The following SNX27 variants were observed in gnomAD, a reference collection of about 807,000 sequenced individuals.
SNX27 encodes the protein sorting nexin 27.
A neutral mutation model predicts 71.6 loss-of-function variants in SNX27; 22 were observed. The observed-to-expected ratio is 0.31, with a 90% CI of 0.22 to 0.44. The LOEUF (loss-of-function observed/expected upper bound fraction) is 0.44. Ranked by LOEUF, SNX27 falls within the 20% of genes least tolerant of loss-of-function variation. SNX27 has a pLI of 1.00. For synonymous variants in SNX27, 269 were observed against 277.2 expected (o/e 0.97, Z 0.29); for missense variants, 531 against 698.6 (o/e 0.76, Z 2.70).
At chr1:151,674,479 A>C (rs1321055462) in intron 7 of SNX27, among the ~76,000 whole-genome samples, 1 of 151,892 alleles carries the variant, frequency 6.6e-6, no homozygotes, top group African/African-American at 2.4e-5. Flanking sequence ...TTTTATTTTG[A>C]AGTTATCTTT....
rs1440991383 is a variant in SNX27, at chr1:151,696,476, T to G, written c.*2059T>G. The G allele has an allele frequency of 8.3e-6, 1 of 120,414 alleles. No individual in the cohort carries two copies. Among genetic ancestry groups the G allele is most frequent in the African/African-American group, 3.5e-5 (1 of 28,612 alleles). The allele number at this position is 120,414 out of a possible 1,614,324, so 7.5% of individuals were successfully genotyped here. On this transcript the variant is annotated 3_prime_UTR_variant, in exon 12 of 12. Transcript: ENST00000458013. Reference sequence around the variant, plus strand: ...TGAGGCCACTTTTTCTTTCTTTCTTTCTTTCTTTCTTTCTTTCTTTCTTTC... The same window carrying G: ...TGAGGCCACTTTTTCTTTCTTTCTTGCTTTCTTTCTTTCTTTCTTTCTTTC...
In SNX27 at chr1:151,633,215, A is replaced by G. The variant is rs144309342; in HGVS notation, c.312-5673A>G. 3.8e-3 allele frequency among the ~76,000 whole-genome samples: 584 copies of G among 152,298 alleles called. 7 individuals are homozygous for G. Among genetic ancestry groups the G allele is most frequent in the African/African-American group, 0.013 (523 of 41,560 alleles). ...TTAATTAACATACAGTTAAATGCACACATATGAAGCATAGAGTTTGAGTTT... is the reference window on the plus strand; with the variant it reads ...TTAATTAACATACAGTTAAATGCACGCATATGAAGCATAGAGTTTGAGTTT... On this transcript the variant is annotated intron_variant, in intron 1 of 11. Coordinates refer to ENST00000458013, the MANE Select transcript of SNX27 (RefSeq NM_001330723.2).
chr1:151,613,663 A>C, intron 1 of SNX27, among the ~76,000 whole-genome samples: 2 of 144,322 alleles, frequency 1.4e-5, no homozygotes, highest in Admixed American at 7.0e-5. Context: ...ACATCCCTCC[A>C]TGCTCTTGCG....
chr1:151,665,228 A>G (rs1206895761), intron 5 of SNX27, among the ~76,000 whole-genome samples: 4 of 152,220 alleles, frequency 2.6e-5, no homozygotes, highest in Non-Finnish European at 4.4e-5. Flanking sequence ...ATTTATTTGC[A>G]CACAGTTTTC....
chr1:151,680,582 A>G (rs921525320), intron 7 of SNX27: 1 of 152,174 alleles, frequency 6.6e-6, no homozygotes, highest in African/African-American at 2.4e-5. Context: ...GTGTTCATCA[A>G]ATATTAGTAC....
chr1:151,649,868 TCTAA>T (rs1669243338), intron 2 of SNX27, among the ~76,000 whole-genome samples: 1 of 151,910 alleles, frequency 6.6e-6, no homozygotes. Context: ...ACTGTACCTG[TCTAA>T]CTTTTATATT....
At chr1:151,624,341 T>G (rs191775730) in intron 1 of SNX27, among the ~76,000 whole-genome samples, 19 of 151,262 alleles carry the variant, frequency 1.3e-4, no homozygotes, top group Middle Eastern at 6.8e-3. Context: ...TGGTGACAAG[T>G]GGTTACATTG....
At chr1:151,647,888 C>T (rs950397638) in intron 2 of SNX27, among the ~76,000 whole-genome samples, 9 of 150,826 alleles carry the variant, frequency 6.0e-5, no homozygotes, top group Non-Finnish European at 1.3e-4. Context: ...ACTCTGTATA[C>T]AGCATGTATA....
intron 2 of SNX27, among the ~76,000 whole-genome samples, chr1:151,649,106 C>T (rs1052565131): frequency 8.6e-5 from 13 of 151,476 alleles, no homozygotes; most frequent in African/African-American, 2.7e-4. Context: ...GGATTATAGG[C>T]GCCCGCCACC....
At chr1:151,680,612 T>A (rs1167304966) in intron 7 of SNX27, among the ~76,000 whole-genome samples, 1 of 152,168 alleles carries the variant, frequency 6.6e-6, no homozygotes, top group African/African-American at 2.4e-5. Flanking sequence ...TCAGACATAG[T>A]TCTAGGCGTT....
intron 7 of SNX27, among the ~76,000 whole-genome samples, chr1:151,682,545 A>G (rs148131637): frequency 0.013 from 2,044 of 151,880 alleles, 59 homozygotes; most frequent in African/African-American, 0.047. Flanking sequence ...CTGGTCTCGA[A>G]CTCCTGACCT....
At position 151,612,581 on chromosome 1, in the gene SNX27, C is replaced by T. The variant is rs536476199; in HGVS notation, c.311+69C>T. 27 of 1,160,332 alleles carry T rather than the reference C, an allele frequency of 2.3e-5. No individual in the cohort carries two copies. The Admixed American group carries it at 3.0e-4, about 13-fold the overall frequency. 71.9% of individuals were successfully genotyped at this position (1,160,332 alleles called of 1,614,324 possible). A position where few individuals can be genotyped will look rare whatever the true frequency, so the allele number is the denominator to read the frequency against. ...TCCTGCCCCTGCACTCCTCGCTACC[C>T]TTGTCACCCCCAGGCCGCACCTCCC... is the stretch of plus-strand genomic sequence containing the variant. On this transcript the variant is annotated intron_variant, in intron 1 of 11. Coordinates refer to ENST00000458013, the MANE Select transcript of SNX27 (RefSeq NM_001330723.2). The surrounding 1 kb of genome is among the most constrained non-coding windows in gnomAD (Gnocchi z 5.2).
chr1:151,691,790 C>T (rs191950762), intron 8 of SNX27, among the ~76,000 whole-genome samples: 55 of 151,984 alleles, frequency 3.6e-4, no homozygotes, highest in Admixed American at 2.2e-3. Context: ...TTGGGATTAC[C>T]GGCGTGAGCC....
At chr1:151,677,510 C>T (rs1044828121) in intron 7 of SNX27, 4 of 152,124 alleles carry the variant, frequency 2.6e-5, no homozygotes, top group Admixed American at 2.6e-4. Context: ...GTTTTCTCAT[C>T]TGTTAAAGGG....
intron 2 of SNX27, among the ~76,000 whole-genome samples, chr1:151,651,421 C>T (rs1454968226): frequency 3.3e-5 from 5 of 151,064 alleles, no homozygotes; most frequent in African/African-American, 9.8e-5. Flanking sequence ...GGCTGCCGGG[C>T]GGAGACGCTC....
At chr1:151,657,609 C>T (rs1669755500) in intron 2 of SNX27, among the ~76,000 whole-genome samples, 1 of 152,186 alleles carries the variant, frequency 6.6e-6, no homozygotes, top group African/African-American at 2.4e-5. Context: ...TATTGACTCA[C>T]TATATTTACC....
intron 7 of SNX27, among the ~76,000 whole-genome samples, chr1:151,681,423 T>C (rs1276947358): frequency 2.6e-5 from 4 of 151,750 alleles, no homozygotes; most frequent in Non-Finnish European, 5.9e-5. Context: ...TTTGTATTTT[T>C]AGTAGAGACA....
At chr1:151,668,354 T>G in intron 6 of SNX27, 118 bp from the exon 7 acceptor site, 2 of 921,968 alleles carry the variant, frequency 2.2e-6, no homozygotes, top group Non-Finnish European at 3.2e-6. Context: ...TTGGTGGATT[T>G]GAGATGATGT....
At chr1:151,688,153 G>C (rs975943567) in intron 8 of SNX27, among the ~76,000 whole-genome samples, 3 of 152,114 alleles carry the variant, frequency 2.0e-5, no homozygotes, top group Non-Finnish European at 4.4e-5. Flanking sequence ...TGAAAACTAA[G>C]GGAAGCTGTG....
Sources: gnomAD v4.1 joint callset for allele counts (sites outside exome capture counted in the v4.1 genomes callset) on GRCh38, gnomAD v4.1.1 for gene constraint, Gnocchi (gnomAD v3.1) non-coding constraint, MANE v1.5 for transcripts, NCBI Gene and HGNC (gene_info 2026-07-23, HGNC 2026-07-21) for gene names.